The following CAMTA1 variants were observed in gnomAD, a reference collection of about 807,000 sequenced individuals.
CAMTA1 encodes calmodulin binding transcription activator 1.
In CAMTA1, 27 loss-of-function variants were observed where a neutral mutation model predicts 170.9. The ratio of observed to expected loss-of-function variants is 0.16; its 90% confidence interval spans 0.12 to 0.22. The LOEUF is 0.22. CAMTA1 is among the 10% of genes least tolerant of loss of function. The probability of loss-of-function intolerance (pLI) is 1.00; values close to 1 mark genes in which losing one functional copy is unlikely to be tolerated. For synonymous variants in CAMTA1, 833 were observed against 891.5 expected, an observed-to-expected ratio of 0.93 and a Z score of 1.17; for missense variants, 1,619 against 2,217.2, an observed-to-expected ratio of 0.73 and a Z score of 5.42.
At chr1:7,358,455 C>T (rs1009616892) in intron 5 of CAMTA1, among the ~76,000 whole-genome samples, 3 of 152,306 alleles carry the variant, frequency 2.0e-5, no homozygotes, top group Admixed American at 6.5e-5. Context: ...GATGTAGTCA[C>T]GCTTAGGTGG....
intron 6 of CAMTA1, among the ~76,000 whole-genome samples, chr1:7,474,619 T>C (rs764774747): frequency 6.6e-6 from 1 of 152,176 alleles, no homozygotes; most frequent in Non-Finnish European, 1.5e-5. Context: ...CCCAGAGGCG[T>C]TGAGCTAGGC....
intron 5 of CAMTA1, among the ~76,000 whole-genome samples, chr1:7,266,292 T>C (rs910042531): frequency 6.6e-6 from 1 of 152,190 alleles, no homozygotes; most frequent in Non-Finnish European, 1.5e-5. Flanking sequence ...CACCGGTGTG[T>C]TCAGAGTGTG....
At chr1:7,643,776 G>T (rs942909278) in intron 7 of CAMTA1, among the ~76,000 whole-genome samples, 3 of 152,360 alleles carry the variant, frequency 2.0e-5, no homozygotes, top group Middle Eastern at 3.4e-3. Flanking sequence ...TGGCTCGGGC[G>T]TGCGTGTGCA....
intron 3 of CAMTA1, among the ~76,000 whole-genome samples, chr1:6,989,872 G>A (rs1049026777): frequency 6.6e-6 from 1 of 152,134 alleles, no homozygotes; most frequent in Admixed American, 6.5e-5. Flanking sequence ...CTGACCTTGG[G>A]GGGTGAGTCC....
intron 3 of CAMTA1, among the ~76,000 whole-genome samples, chr1:7,017,623 G>A (rs991113785): frequency 3.3e-5 from 5 of 152,202 alleles, no homozygotes; most frequent in African/African-American, 1.2e-4. Flanking sequence ...AGAGGTGCGT[G>A]TTATCATGGC....
chr1:7,564,644 G>A (rs758180304), intron 6 of CAMTA1, among the ~76,000 whole-genome samples: 56 of 152,120 alleles, frequency 3.7e-4, no homozygotes, highest in Non-Finnish European at 6.6e-4. Context: ...AGGCGTGTGT[G>A]TGTGTGTGCG....
intron 4 of CAMTA1, among the ~76,000 whole-genome samples, chr1:7,211,945 C>T (rs1294515757): frequency 2.0e-5 from 3 of 152,284 alleles, no homozygotes; most frequent in Admixed American, 2.0e-4. Context: ...TCCTCCTAGC[C>T]GTTCATCTTT....
At position 7,404,346 on chromosome 1, in the gene CAMTA1, A is replaced by G. The variant is rs114055031; in HGVS notation, c.439-63484A>G. On this transcript the variant is annotated intron_variant, in intron 5 of 22. Coordinates refer to ENST00000303635, the MANE Select transcript of CAMTA1 (RefSeq NM_015215.4). ...TGAGCCTCTCCAAAAGCCTCCTCCA[A>G]CACCCAACACCCTATTCCGTACAAT... 3.4e-3 allele frequency among the ~76,000 whole-genome samples: 513 copies of G among 152,258 alleles called. 5 individuals carry two copies. Among genetic ancestry groups the G allele is most frequent in the Non-Finnish European group, 5.4e-3 (364 of 68,018 alleles).
At chr1:7,583,113 C>G (rs2095275637) in intron 6 of CAMTA1, among the ~76,000 whole-genome samples, 1 of 152,070 alleles carries the variant, frequency 6.6e-6, no homozygotes. Flanking sequence ...AGGCAGCGCC[C>G]TGTCTTTATC....
chr1:7,066,338 C>T (rs571464771), intron 3 of CAMTA1, among the ~76,000 whole-genome samples: 1 of 152,222 alleles, frequency 6.6e-6, no homozygotes, highest in South Asian at 2.1e-4. Context: ...TATGCACCAC[C>T]CCGGGATCTA....
intron 3 of CAMTA1, among the ~76,000 whole-genome samples, chr1:6,846,443 A>C (rs994174776): frequency 6.6e-6 from 1 of 152,352 alleles, no homozygotes; most frequent in African/African-American, 2.4e-5. Flanking sequence ...AAATAAAGAT[A>C]TGCAGCTTTC....
Position 7,747,775 on chromosome 1 carries a change from T to C in CAMTA1, c.4683T>C (p.Tyr1561=). 6.2e-7 allele frequency: 1 copy of C among 1,610,116 alleles called. No homozygotes were observed. ...AAVIQRCYRK[Y]KQYALYKKMT... ...TTATTCAGCGTTGTTACAGAAAATA[T>C]AAACAGGTAAACCTCAGTTTTGCAC... is the stretch of plus-strand genomic sequence containing the variant. The change falls in exon 19 of 23, where the codon TAT becomes TAC. Residue 1561 remains tyrosine (Y), a synonymous_variant. Coordinates refer to ENST00000303635, the MANE Select transcript of CAMTA1 (RefSeq NM_015215.4).
intron 4 of CAMTA1, among the ~76,000 whole-genome samples, chr1:7,223,967 C>T (rs545931017): frequency 6.6e-6 from 1 of 152,170 alleles, no homozygotes; most frequent in South Asian, 2.1e-4. Context: ...TGTTAGAGGG[C>T]GGGGTGGAAG....
At chr1:7,661,583 T>G in intron 7 of CAMTA1, 143 bp from the exon 8 acceptor site, 2 of 893,900 alleles carry the variant, frequency 2.2e-6, no homozygotes, top group Non-Finnish European at 3.5e-6. Flanking sequence ...CCTCCTCCCC[T>G]ACTCATCAAT....
intron 6 of CAMTA1, among the ~76,000 whole-genome samples, chr1:7,610,975 A>G (rs1037797272): frequency 6.6e-6 from 1 of 152,218 alleles, no homozygotes; most frequent in Admixed American, 6.5e-5. Flanking sequence ...AGTGGCCAAG[A>G]CGCAGGCCCA....
chr1:6,983,980 G>C (rs952460446), intron 3 of CAMTA1, among the ~76,000 whole-genome samples: 2 of 137,172 alleles, frequency 1.5e-5, no homozygotes, highest in African/African-American at 5.5e-5. Context: ...TTGGGTGGAT[G>C]AGTGGATAGA....
At chr1:7,676,116 T>C (rs2149264997) in intron 10 of CAMTA1, among the ~76,000 whole-genome samples, 1 of 152,266 alleles carries the variant, frequency 6.6e-6, no homozygotes, top group East Asian at 1.9e-4. Flanking sequence ...TGGGTGTAGG[T>C]GCTGGCCACC....
chr1:6,846,241 C>T (rs891885076), intron 3 of CAMTA1, among the ~76,000 whole-genome samples: 2 of 152,204 alleles, frequency 1.3e-5, no homozygotes, highest in Admixed American at 6.5e-5. Flanking sequence ...GATTTCTTTA[C>T]TTATACTTAA....
intron 3 of CAMTA1, among the ~76,000 whole-genome samples, chr1:7,075,860 G>A (rs951227877): frequency 5.9e-5 from 9 of 151,660 alleles, no homozygotes; most frequent in South Asian, 4.2e-4. Flanking sequence ...ACGGGGTTTC[G>A]TCATGTTGGC....
Sources: gnomAD v4.1 joint callset for allele counts (sites outside exome capture counted in the v4.1 genomes callset) on GRCh38, gnomAD v4.1.1 for gene constraint, MANE v1.5 for transcripts, NCBI Gene and HGNC (gene_info 2026-07-23, HGNC 2026-07-21) for gene names.